Variants in CTNND1 observed in about 807,000 individuals in gnomAD.
CTNND1 encodes catenin delta-1.
In CTNND1, 16 loss-of-function variants were observed where a neutral mutation model predicts 112.1. That is an observed-to-expected ratio of 0.14 (90% CI 0.10 to 0.22). The LOEUF is 0.22. CTNND1 is among the 10% of genes least tolerant of loss of function. The pLI is 1.00. For missense variants in CTNND1, 1,008 were observed against 1,257.0 expected (o/e 0.80, Z 3.00); for synonymous variants, 420 against 446.5 (o/e 0.94, Z 0.75).
In CTNND1 at chr11:57,796,956, G is replaced by C; in HGVS notation, c.920G>C (p.Arg307Pro). 6.6e-7 allele frequency: 1 copy of C among 1,525,934 alleles called. No individual in the cohort carries two copies. The highest frequency in any genetic ancestry group is 8.9e-7 in the Non-Finnish European group (1 of 1,128,234). The allele number at this position is 1,525,934 out of a possible 1,614,324, so 94.5% of individuals were successfully genotyped here. The change falls in exon 6 of 21, where the codon CGG becomes CCG. Residue 307 changes from arginine (R) to proline (P), a missense_variant. Around this residue, in one of 5 missense-constraint regions of CTNND1, gnomAD observed 404 missense variants for 457.9 expected, o/e 0.88. Transcript: ENST00000399050. ...ATGTCTGATTATGGCACTGCCCGTC[G>C]GACTGGGACACCCTCTGACCCTCGT... Reference protein sequence around the residue: ...GMMSDYGTARRTGTPSDPRRR... With the variant: ...GMMSDYGTARPTGTPSDPRRR...
intron 19 of CTNND1, 175 bp downstream of exon 19, chr11:57,815,675 C>T (rs1446063038): frequency 1.3e-6 from 1 of 797,928 alleles, no homozygotes; most frequent in Non-Finnish European, 2.2e-6. Context: ...CGTTATTCTG[C>T]AGTGGTCAAA....
At chr11:57,801,192 A>G (rs573964386) in intron 6 of CTNND1, among the ~76,000 whole-genome samples, 2 of 152,360 alleles carry the variant, frequency 1.3e-5, no homozygotes, top group African/African-American at 4.8e-5. Flanking sequence ...TCCATCTTTT[A>G]TAATTTCCAA....
rs757009169 is a variant in CTNND1, at chr11:57,809,363, A to G, written c.2332A>G (p.Ile778Val). The G allele has an allele frequency of 1.2e-6, 2 of 1,614,004 alleles. No individual in the cohort carries two copies. The highest frequency in any genetic ancestry group is 2.2e-5 in the East Asian group (1 of 44,888). The change falls in exon 15 of 21, where the codon ATT becomes GTT. Residue 778 changes from isoleucine to valine, a missense_variant. Transcript: ENST00000399050. The stretch of plus-strand genomic sequence containing the variant: ...TTTCTCTGAGGACACTGTCATCTCT[A>G]TTTTGAACACTATCAACGAGGTTAT... ...WNFSEDTVIS[I>V]LNTINEVIAE...
intron 1 of CTNND1, among the ~76,000 whole-genome samples, chr11:57,773,214 G>T (rs1042135108): frequency 6.6e-6 from 1 of 152,168 alleles, no homozygotes; most frequent in Non-Finnish European, 1.5e-5. Context: ...AGGCTGGAGT[G>T]CAGTGACATG....
rs574683882 is a variant in CTNND1 at position 57,811,128 on chromosome 11, C to A, written c.2551-271C>A. Among the ~76,000 whole-genome samples the A allele has an allele frequency of 7.2e-5, 11 of 152,184 alleles. No homozygotes were observed. The South Asian group carries it at 2.3e-3, about 32-fold the overall frequency. ...TGACTTTTGCCCAAATCTACCGTAG[C>A]CCTTTGAGGGAATTTTTACTATTCT... is the stretch of plus-strand genomic sequence containing the variant. On this transcript the variant is annotated intron_variant, in intron 16 of 20. Transcript: ENST00000399050.
chr11:57,788,299 G>A lies in CTNND1; in HGVS notation c.-213-738G>A, dbSNP rs2060338405. On this transcript the variant is annotated intron_variant, in intron 1 of 20. Coordinates refer to ENST00000399050, the MANE Select transcript of CTNND1 (RefSeq NM_001085458.2). The surrounding 1 kb of genome is among the most constrained non-coding windows in gnomAD (Gnocchi z 4.1). ...ATGTAGGGTGGGAATATGAGAAAGT[G>A]GCAATGGGTTTTGGACTGAAAGGAA... 6.6e-6 allele frequency among the ~76,000 whole-genome samples: 1 copy of A among 152,172 alleles called. No individual in the cohort carries two copies. Among genetic ancestry groups the A allele is most frequent in the Non-Finnish European group, 1.5e-5 (1 of 68,046 alleles).
At chr11:57,773,238 G>A (rs1187540298) in intron 1 of CTNND1, among the ~76,000 whole-genome samples, 5 of 152,036 alleles carry the variant, frequency 3.3e-5, no homozygotes, top group African/African-American at 1.2e-4. Flanking sequence ...ATAATTTATT[G>A]CAGCCTTGAC....
At chr11:57,794,395 T>C (rs1307239917) in intron 4 of CTNND1, among the ~76,000 whole-genome samples, 2 of 152,132 alleles carry the variant, frequency 1.3e-5, no homozygotes, top group Non-Finnish European at 2.9e-5. Flanking sequence ...CTACCTAAAA[T>C]CTGGCTGGTC....
At chr11:57,792,186 G>A (rs988944921) in intron 3 of CTNND1, among the ~76,000 whole-genome samples, 1 of 152,162 alleles carries the variant, frequency 6.6e-6, no homozygotes, top group African/African-American at 2.4e-5. Context: ...TAAATCATGT[G>A]TTGGAGGAAG....
intron 16 of CTNND1, 57 bp downstream of exon 16, chr11:57,810,280 T>A: frequency 2.3e-6 from 3 of 1,286,428 alleles, no homozygotes; most frequent in Non-Finnish European, 3.3e-6. Flanking sequence ...CCCAGGATAA[T>A]GCTTCTGTTT....
intron 1 of CTNND1, among the ~76,000 whole-genome samples, chr11:57,765,396 C>CA (rs1326951021): frequency 1.3e-5 from 2 of 151,490 alleles, no homozygotes; most frequent in Admixed American, 1.3e-4. Flanking sequence ...AATCAAATTG[C>CA]AATGTACTTT....
chr11:57,808,103 A>G, intron 12 of CTNND1, 62 bp from the exon 13 acceptor site: 1 of 1,547,172 alleles, frequency 6.5e-7, no homozygotes, highest in African/African-American at 1.4e-5. Flanking sequence ...GACTCCAGCC[A>G]GCTAGAGCCT....
intron 2 of CTNND1, among the ~76,000 whole-genome samples, chr11:57,790,521 A>G (rs1474731765): frequency 2.3e-5 from 3 of 133,158 alleles, no homozygotes; most frequent in African/African-American, 8.6e-5. Context: ...GGAGTACGCC[A>G]CCACACCCGG....
At chr11:57,784,398 A>G (rs546218484) in intron 1 of CTNND1, among the ~76,000 whole-genome samples, 1 of 142,546 alleles carries the variant, frequency 7.0e-6, no homozygotes, top group Non-Finnish European at 1.6e-5. Flanking sequence ...GACAAGAGCT[A>G]GATCCTGTCT....
chr11:57,776,224 C>T (rs1337534229), intron 1 of CTNND1, among the ~76,000 whole-genome samples: 1 of 152,110 alleles, frequency 6.6e-6, no homozygotes, highest in Non-Finnish European at 1.5e-5. Flanking sequence ...TGAGTTTGAA[C>T]TGAGGTCTCA....
At chr11:57,800,641 A>T (rs183991658) in intron 6 of CTNND1, among the ~76,000 whole-genome samples, 1 of 152,182 alleles carries the variant, frequency 6.6e-6, no homozygotes, top group Non-Finnish European at 1.5e-5. Flanking sequence ...TCACTGTTGC[A>T]TAGTTGATGT....
At chr11:57,771,668 T>C (rs1952659919) in intron 1 of CTNND1, among the ~76,000 whole-genome samples, 1 of 152,190 alleles carries the variant, frequency 6.6e-6, no homozygotes, top group African/African-American at 2.4e-5. Context: ...TACTATATTG[T>C]ACAAAGAAAA....
chr11:57,805,856 C>T (rs1362586346), intron 9 of CTNND1, 26 bp from the exon 10 acceptor site: 1 of 1,598,734 alleles, frequency 6.3e-7, no homozygotes, highest in Non-Finnish European at 8.5e-7. Context: ...ATTCTTTTTT[C>T]TCATTGGCCC....
chr11:57,797,950 A>G (rs2061549192), intron 6 of CTNND1, among the ~76,000 whole-genome samples: 1 of 151,354 alleles, frequency 6.6e-6, no homozygotes, highest in Non-Finnish European at 1.5e-5. Flanking sequence ...TCTGGCTAAG[A>G]TGTGACCCCC....
Sources: allele counts gnomAD v4.1 joint callset (sites outside exome capture counted in the v4.1 genomes callset), GRCh38; gene constraint gnomAD v4.1.1; regional missense constraint gnomAD v4.1.1; non-coding constraint Gnocchi (gnomAD v3.1); transcripts MANE v1.5; gene names NCBI Gene and HGNC (gene_info 2026-07-23, HGNC 2026-07-21).